The following CCDC60 variants were observed in gnomAD, a reference collection of about 807,000 sequenced individuals.
CCDC60 encodes coiled-coil domain-containing protein 60.
A neutral mutation model predicts 63.5 loss-of-function variants in CCDC60; 54 were observed. The observed-to-expected ratio is 0.85, with a 90% CI of 0.68 to 1.07. CCDC60 has a LOEUF of 1.07. Ranked by LOEUF, CCDC60 falls within the 50% of genes least tolerant of loss-of-function variation. The pLI is 0.00. For missense variants in CCDC60, 651 were observed against 684.3 expected, an observed-to-expected ratio of 0.95 and a Z score of 0.54; for synonymous variants, 206 against 238.8, an observed-to-expected ratio of 0.86 and a Z score of 1.27.
At chr12:119,493,439 C>CT (rs1298810679) in intron 5 of CCDC60, among the ~76,000 whole-genome samples, 3 of 151,830 alleles carry the variant, frequency 2.0e-5, no homozygotes, top group Non-Finnish European at 4.4e-5. Context: ...AGGATGATCT[C>CT]ATATTTGGAT....
intron 2 of CCDC60, among the ~76,000 whole-genome samples, chr12:119,445,578 A>G (rs1164698886): frequency 6.6e-6 from 1 of 150,976 alleles, no homozygotes; most frequent in Non-Finnish European, 1.5e-5. Context: ...CTTAGGTTGC[A>G]TCTGAGGCAG....
At chr12:119,339,314 A>G (rs1373942700) in intron 1 of CCDC60, among the ~76,000 whole-genome samples, 1 of 152,182 alleles carries the variant, frequency 6.6e-6, no homozygotes, top group African/African-American at 2.4e-5. Context: ...AGCATTTGGC[A>G]AAAACTGTAA....
rs1950738527 is a variant in CCDC60, at chr12:119,456,045, AAGAAAG to A, written c.171-15947_171-15942del. ...AAAGAAAGAAAGAAAGAAAGAAAGA[AAGAAAG>A]AAAGAAAGAAAGCAAGCAAGCATGT... On this transcript the variant is annotated intron_variant, in intron 2 of 13. Transcript: ENST00000327554. This position sits in a 1 kb window ranked among gnomAD's most constrained non-coding sequence, Gnocchi z 4.6. Among the ~76,000 whole-genome samples the A allele has an allele frequency of 6.8e-6, 1 of 147,008 alleles. No homozygotes were observed. The highest frequency in any genetic ancestry group is 2.5e-5 in the African/African-American group (1 of 39,652).
intron 1 of CCDC60, among the ~76,000 whole-genome samples, chr12:119,337,053 G>C (rs1348114150): frequency 6.6e-6 from 1 of 152,168 alleles, no homozygotes; most frequent in Admixed American, 6.5e-5. Flanking sequence ...CTGTGAAGGA[G>C]AGCTTAAAAC....
At chr12:119,355,324 C>G (rs762775609) in intron 1 of CCDC60, among the ~76,000 whole-genome samples, 7 of 152,164 alleles carry the variant, frequency 4.6e-5, no homozygotes, top group Non-Finnish European at 7.3e-5. Context: ...GGAAGTTCCT[C>G]CCTTTAAGAA....
intron 13 of CCDC60, among the ~76,000 whole-genome samples, chr12:119,537,009 C>T (rs1953023485): frequency 6.6e-6 from 1 of 152,174 alleles, no homozygotes; most frequent in Admixed American, 6.5e-5. Flanking sequence ...AGAATATTTT[C>T]CAACTTGGTT....
chr12:119,500,794 C>A (rs1202218836), intron 6 of CCDC60, among the ~76,000 whole-genome samples: 2 of 152,134 alleles, frequency 1.3e-5, no homozygotes, highest in African/African-American at 2.4e-5. Flanking sequence ...TTGGAGGCTG[C>A]AGTGAGCTAT....
intron 4 of CCDC60, 66 bp from the exon 5 acceptor site, chr12:119,488,693 G>A: frequency 7.4e-7 from 1 of 1,346,620 alleles, no homozygotes; most frequent in Non-Finnish European, 1.1e-6. Context: ...CTATTTCTGT[G>A]GCTATTTTTG....
intron 1 of CCDC60, among the ~76,000 whole-genome samples, chr12:119,424,818 C>G (rs889390812): frequency 6.6e-6 from 1 of 151,942 alleles, no homozygotes; most frequent in African/African-American, 2.4e-5. Context: ...TAAAATTATA[C>G]TTTGACAGAA....
chr12:119,411,217 A>G (rs977922336), intron 1 of CCDC60, among the ~76,000 whole-genome samples: 2 of 152,238 alleles, frequency 1.3e-5, no homozygotes. Context: ...AGGTGTGCTT[A>G]GGAAGGCATG....
At position 119,530,984 on chromosome 12, in the gene CCDC60, G is replaced by A. The variant is rs762765591; in HGVS notation, c.1472G>A (p.Arg491Gln). 16 of 1,614,110 alleles carry A rather than the reference G, an allele frequency of 9.9e-6. No homozygotes were observed. The highest frequency in any genetic ancestry group is 6.7e-5 in the Admixed American group (4 of 60,028). The stretch of plus-strand genomic sequence containing the variant: ...GGAGAAAACCTGGACTTGCGGATTC[G>A]ACCCCATGTCCTCCTGAAGGTGCTG... ...KFGENLDLRI[R>Q]PHVLLKVLQD... The change falls in exon 13 of 14, where the codon CGA becomes CAA. Residue 491 changes from arginine to glutamine, a missense_variant. Physicochemically the swap from Arg to Gln is conservative, Grantham distance 43. Transcript: ENST00000327554.
intron 1 of CCDC60, 70 bp from the exon 2 acceptor site, chr12:119,428,613 C>A: frequency 9.5e-7 from 1 of 1,056,060 alleles, no homozygotes; most frequent in African/African-American, 1.6e-5. Flanking sequence ...CATGAGCCTC[C>A]TGTGCCTATC....
intron 1 of CCDC60, among the ~76,000 whole-genome samples, chr12:119,406,202 TATAGAGAGAGAG>T (rs1956488195): frequency 7.2e-6 from 1 of 139,356 alleles, no homozygotes; most frequent in African/African-American, 2.6e-5. Flanking sequence ...GATATATATA[TATAGAGAGAGAG>T]AGAGAGAGTT....
chr12:119,353,598 C>CTTTTTTTTTTTTTTTTT (rs71072514), intron 1 of CCDC60, among the ~76,000 whole-genome samples: 3 of 68,246 alleles, frequency 4.4e-5, no homozygotes, highest in South Asian at 6.9e-4. Flanking sequence ...TCTTCTTCTT[C>CTTTTTTTTTTTTTTTTT]TTTTTTTTTT....
At chr12:119,472,331 G>T (rs1344704178) in intron 3 of CCDC60, among the ~76,000 whole-genome samples, 167 bp downstream of exon 3, 1 of 152,034 alleles carries the variant, frequency 6.6e-6, no homozygotes, top group Non-Finnish European at 1.5e-5. Flanking sequence ...TGATAGCCTC[G>T]CTTTCTGGTA....
Position 119,505,230 on chromosome 12 carries a change from G to A in CCDC60, c.810G>A (p.Gln270=), listed in dbSNP as rs1183587212. ...GSDEPPSVNT[Q]VTSSKDIEDN... ...ATGAGCCCCCAAGTGTGAACACCCA[G>A]GTGACCAGCAGCAAGGACATTGAGG... The change falls in exon 7 of 14, where the codon CAG becomes CAA. Residue 270 remains glutamine (Q), a synonymous_variant. Transcript: ENST00000327554. 6.2e-6 allele frequency: 10 copies of A among 1,613,768 alleles called. No individual in the cohort carries two copies. Among genetic ancestry groups the A allele is most frequent in the Admixed American group, 3.3e-5 (2 of 60,004 alleles).
intron 1 of CCDC60, among the ~76,000 whole-genome samples, chr12:119,346,999 A>G (rs1592980142): frequency 6.6e-6 from 1 of 151,656 alleles, no homozygotes; most frequent in African/African-American, 2.4e-5. Context: ...TAACTTTTGT[A>G]TTTTTAATAG....
chr12:119,372,355 C>G (rs1361796098), intron 1 of CCDC60, among the ~76,000 whole-genome samples: 1 of 152,190 alleles, frequency 6.6e-6, no homozygotes, highest in African/African-American at 2.4e-5. Context: ...GGCTGTGCCA[C>G]TTTGCCTCTC....
chr12:119,436,837 G>A (rs116626044), intron 2 of CCDC60, among the ~76,000 whole-genome samples: 1,583 of 152,172 alleles, frequency 0.01, 27 homozygotes, highest in African/African-American at 0.032. Flanking sequence ...GTGCCCGGCC[G>A]AGTGATACCA....
Sources: allele counts gnomAD v4.1 joint callset (sites outside exome capture counted in the v4.1 genomes callset), GRCh38; gene constraint gnomAD v4.1.1; non-coding constraint Gnocchi (gnomAD v3.1); transcripts MANE v1.5; gene names NCBI Gene and HGNC (gene_info 2026-07-23, HGNC 2026-07-21).